MGAT5: variants seen among roughly 807,000 people sequenced by gnomAD.
MGAT5 encodes alpha-1,6-mannosylglycoprotein 6-beta-N-acetylglucosaminyltransferase A.
In MGAT5, 30 loss-of-function variants were observed where a neutral mutation model predicts 94.3. That is an observed-to-expected ratio of 0.32 (90% CI 0.24 to 0.43). The LOEUF is 0.43. Among genes scored for constraint, MGAT5 ranks in the 20% least tolerant of loss-of-function variants. The pLI, the probability that MGAT5 is intolerant of heterozygous loss-of-function variation, is 1.00. For missense variants in MGAT5, 691 were observed against 905.5 expected (o/e 0.76, Z 3.04); for synonymous variants, 310 against 322.9 (o/e 0.96, Z 0.43).
chr2:134,407,248 CCTT>C (rs1368554932), intron 11 of MGAT5, among the ~76,000 whole-genome samples: 1 of 152,124 alleles, frequency 6.6e-6, no homozygotes. Flanking sequence ...GAGGAGCAGT[CCTT>C]CTTCTGTTTC....
Position 134,428,373 on chromosome 2 carries a change from A to T in MGAT5, c.1803A>T (p.Pro601=). 2 of 1,614,098 alleles carry T rather than the reference A, an allele frequency of 1.2e-6. No homozygotes were observed. The highest frequency in any genetic ancestry group is 2.7e-5 in the African/African-American group (2 of 75,062). The part of the protein sequence containing the change: ...VKAILNQKIE[P]YMPYEFTCEG... ...ATGCTCTGTTTCCACAGATTGAGCC[A>T]TACATGCCATATGAATTTACGTGCG... The change falls in exon 14 of 16, where the codon CCA becomes CCT. Residue 601 remains proline, a synonymous_variant. Transcript: ENST00000281923.
At chr2:134,292,280 T>A (rs1054019914) in intron 2 of MGAT5, among the ~76,000 whole-genome samples, 9 of 152,128 alleles carry the variant, frequency 5.9e-5, no homozygotes, top group African/African-American at 2.2e-4. Context: ...GAAAACACAT[T>A]CTGAGACCCA....
Position 134,318,725 on chromosome 2 carries a change from A to C in MGAT5, c.559A>C (p.Ile187Leu), listed in dbSNP as rs762542938. ...GGATGGATCCACCTGCTCTTTTTTTATTTACCTCAGTGAGGTGAGTAGCTT... is the reference window on the plus strand; with the variant it reads ...GGATGGATCCACCTGCTCTTTTTTTCTTTACCTCAGTGAGGTGAGTAGCTT... Reference protein sequence around the residue: ...GVDGSTCSFFIYLSEVENWCP... With the variant: ...GVDGSTCSFFLYLSEVENWCP... Residue 187 changes from isoleucine (I) to leucine (L), a missense_variant, in exon 4 of 16, where the codon ATT becomes CTT. Coordinates refer to ENST00000281923, the MANE Select transcript of MGAT5 (RefSeq NM_002410.5). 3 of 1,612,658 alleles carry C rather than the reference A, an allele frequency of 1.9e-6. No individual in the cohort carries two copies. Among genetic ancestry groups the C allele is most frequent in the Non-Finnish European group, 2.5e-6 (3 of 1,178,982 alleles).
intron 1 of MGAT5, among the ~76,000 whole-genome samples, chr2:134,199,723 C>G (rs950227629): frequency 6.6e-6 from 1 of 152,082 alleles, no homozygotes; most frequent in Admixed American, 6.5e-5. Context: ...GAATCATTTG[C>G]TTTTTCTTTG....
intron 1 of MGAT5, among the ~76,000 whole-genome samples, chr2:134,230,941 G>T (rs1290504993): frequency 1.3e-5 from 2 of 152,120 alleles, no homozygotes; most frequent in Admixed American, 6.5e-5. Flanking sequence ...CTATTCAATG[G>T]AATATTGTTT....
At chr2:134,407,368 A>G (rs1683402682) in intron 11 of MGAT5, among the ~76,000 whole-genome samples, 1 of 152,186 alleles carries the variant, frequency 6.6e-6, no homozygotes, top group Non-Finnish European at 1.5e-5. Flanking sequence ...TGGGGAAAAA[A>G]TTGTACGAAC....
chr2:134,124,422 A>G (rs1219357535), intron 1 of MGAT5, among the ~76,000 whole-genome samples: 2 of 152,146 alleles, frequency 1.3e-5, no homozygotes, highest in Non-Finnish European at 2.9e-5. Context: ...TCAAAATCCC[A>G]CAGTTCTCTT....
chr2:134,145,909 C>T (rs1052397555), intron 1 of MGAT5, among the ~76,000 whole-genome samples: 2 of 152,188 alleles, frequency 1.3e-5, no homozygotes, highest in African/African-American at 4.8e-5. Flanking sequence ...TTGTACATTT[C>T]CACCCTGCTG....
intron 14 of MGAT5, among the ~76,000 whole-genome samples, chr2:134,433,433 G>C (rs1421361273): frequency 6.6e-6 from 1 of 152,184 alleles, no homozygotes; most frequent in Non-Finnish European, 1.5e-5. Flanking sequence ...GTAGATTTCT[G>C]TTCTGGCTCT....
chr2:134,438,881 C>G (rs547750982), intron 14 of MGAT5, among the ~76,000 whole-genome samples: 20 of 152,278 alleles, frequency 1.3e-4, no homozygotes, highest in Admixed American at 1.3e-3. Flanking sequence ...TTCTTTTCAT[C>G]TCTGAATTAT....
At chr2:134,348,754 C>T (rs896125191) in intron 8 of MGAT5, among the ~76,000 whole-genome samples, 1 of 152,102 alleles carries the variant, frequency 6.6e-6, no homozygotes, top group Admixed American at 6.6e-5. Flanking sequence ...CTTTTATTGG[C>T]CATCCTCAAG....
intron 15 of MGAT5, among the ~76,000 whole-genome samples, chr2:134,447,288 A>G (rs1685840384): frequency 6.6e-6 from 1 of 152,190 alleles, no homozygotes; most frequent in African/African-American, 2.4e-5. Context: ...GTAAATTCAT[A>G]CCACTGGACA....
intron 1 of MGAT5, among the ~76,000 whole-genome samples, chr2:134,179,329 G>C (rs568929371): frequency 7.2e-5 from 11 of 152,290 alleles, no homozygotes; most frequent in African/African-American, 2.6e-4. Flanking sequence ...TCATGCAGGC[G>C]TAAGTTGTAG....
At chr2:134,219,810 A>C (rs978579395) in intron 1 of MGAT5, among the ~76,000 whole-genome samples, 1 of 152,186 alleles carries the variant, frequency 6.6e-6, no homozygotes, top group African/African-American at 2.4e-5. Flanking sequence ...TGTTAGGAGT[A>C]TTGGTTTCAA....
chr2:134,203,355 G>T (rs1049515794), intron 1 of MGAT5, among the ~76,000 whole-genome samples: 1 of 152,140 alleles, frequency 6.6e-6, no homozygotes, highest in African/African-American at 2.4e-5. Context: ...AGCACCCCAG[G>T]TTATCCCAGT....
intron 1 of MGAT5, among the ~76,000 whole-genome samples, chr2:134,219,450 T>C (rs1349872893): frequency 6.6e-6 from 1 of 152,096 alleles, no homozygotes; most frequent in East Asian, 1.9e-4. Context: ...CCCATGCCGG[T>C]GACTCATCTA....
At chr2:134,306,074 A>G (rs910861716) in intron 2 of MGAT5, among the ~76,000 whole-genome samples, 2 of 151,936 alleles carry the variant, frequency 1.3e-5, no homozygotes, top group Non-Finnish European at 2.9e-5. Flanking sequence ...GTTTGTTTTG[A>G]TGTATAAAAC....
chr2:134,405,956 T>C (rs1043630545), intron 11 of MGAT5, among the ~76,000 whole-genome samples: 2 of 152,240 alleles, frequency 1.3e-5, no homozygotes, highest in Non-Finnish European at 2.9e-5. Flanking sequence ...GTTGTTGGAA[T>C]CTAGCAGATC....
In MGAT5 at chr2:134,245,942, T is replaced by C. The variant is rs112485322; in HGVS notation, c.-142-8320T>C. On this transcript the variant is annotated intron_variant, in intron 1 of 16. Coordinates refer to the MGAT5 transcript ENST00000409645. ...GCCCACAGGAAAAATGCAAGTGTAG[T>C]GTAATGAATTAAAACTCTGGGTACA... Among the ~76,000 whole-genome samples, 751 of 152,228 alleles carry C rather than the reference T, an allele frequency of 4.9e-3. 9 individuals carry two copies. The highest frequency in any genetic ancestry group is 0.017 in the African/African-American group (697 of 41,542).
Sources: allele counts gnomAD v4.1 joint callset (sites outside exome capture counted in the v4.1 genomes callset), GRCh38; gene constraint gnomAD v4.1.1; transcripts MANE v1.5; gene names NCBI Gene and HGNC (gene_info 2026-07-23, HGNC 2026-07-21).